The following HNRNPK variants were observed in gnomAD, a reference collection of about 807,000 sequenced individuals.
HNRNPK encodes the protein heterogeneous nuclear ribonucleoprotein K, also known as dC-stretch binding protein.
Under a neutral mutation model 67.0 loss-of-function variants are expected in HNRNPK, and 7 were observed. The ratio of observed to expected loss-of-function variants is 0.10; its 90% CI spans 0.06 to 0.20. The LOEUF is 0.20. Ranked by LOEUF, HNRNPK falls within the 10% of genes least tolerant of loss-of-function variation. The pLI is 1.00. For synonymous variants in HNRNPK, 213 were observed against 193.7 expected, an observed-to-expected ratio of 1.10 and a Z score of -0.83; for missense variants, 264 against 606.5, an observed-to-expected ratio of 0.44 and a Z score of 5.93.
intron 12 of HNRNPK, 49 bp from the exon 13 acceptor site, chr9:83,971,405 A>G (rs370093319): frequency 1.5e-6 from 2 of 1,314,472 alleles, no homozygotes; most frequent in Admixed American, 1.7e-5. Context: ...ATTTTGTTAT[A>G]GAGCTGTTTT....
chr9:83,973,245 A>T (rs757566555), intron 9 of HNRNPK, 41 bp downstream of exon 9: 3 of 1,150,754 alleles, frequency 2.6e-6, no homozygotes, highest in Non-Finnish European at 3.9e-6. Context: ...ATGAAAATTT[A>T]CTTTCCAGCA....
intron 1 of HNRNPK, among the ~76,000 whole-genome samples, chr9:83,979,366 A>T: frequency 1.3e-5 from 2 of 152,330 alleles, no homozygotes; most frequent in Middle Eastern, 6.8e-3. Context: ...GAAGAGTTGG[A>T]TAAGAAAGTT....
rs57317099 is a variant in HNRNPK, at chr9:83,974,347, A to T, written c.330+170T>A. Among the ~76,000 whole-genome samples the T allele has an allele frequency of 0.04, 3,578 of 90,088 alleles. 49 individuals carry two copies. Among genetic ancestry groups the T allele is most frequent in the African/African-American group, 0.097 (2,131 of 21,912 alleles). The allele number at this position is 90,088 out of a possible 152,430, so 59.1% of individuals were successfully genotyped here. A position where few individuals can be genotyped will look rare whatever the true frequency, so the allele number is the denominator to read the frequency against. ...GAGTGGCCAGCCTGTTTTTTTTTTTAAAAAAAAAAAAACAAATTACGCATG... is the reference window on the plus strand; with the variant it reads ...GAGTGGCCAGCCTGTTTTTTTTTTTTAAAAAAAAAAAACAAATTACGCATG... On this transcript the variant is annotated intron_variant, in intron 7 of 16. Transcript: ENST00000376263.
At chr9:83,978,860 G>A (rs1372425366) in intron 1 of HNRNPK, among the ~76,000 whole-genome samples, 1 of 152,170 alleles carries the variant, frequency 6.6e-6, no homozygotes, top group African/African-American at 2.4e-5. Context: ...CATGCTTGAA[G>A]CGATCTTATG....
intron 5 of HNRNPK, 73 bp downstream of exon 5, chr9:83,976,922 T>G: frequency 1.2e-6 from 1 of 810,846 alleles, no homozygotes; most frequent in Non-Finnish European, 2.1e-6. Flanking sequence ...ATTTCTAGGA[T>G]GTAAATCTTT....
At position 83,969,659 on chromosome 9, in the gene HNRNPK, G is replaced by A. The variant is rs564113158; in HGVS notation, c.1362-219C>T. On this transcript the variant is annotated intron_variant, in intron 16 of 16. Transcript: ENST00000376263. ...ATTAGTAGAACAGAATTAAGAAAAC[G>A]GAATTGAAAGTTGTTAATATTTGGT... 127 of 610,298 alleles carry A rather than the reference G, an allele frequency of 2.1e-4. No homozygotes were observed. The Admixed American group carries it at 2.1e-3, about 10-fold the overall frequency. The allele number at this position is 610,298 out of a possible 1,614,324, so 37.8% of individuals were successfully genotyped here.
chr9:83,974,472 T>C, intron 7 of HNRNPK, 45 bp downstream of exon 7: 1 of 923,298 alleles, frequency 1.1e-6, no homozygotes, highest in East Asian at 2.4e-5. Flanking sequence ...CTTTAAACAT[T>C]CCCCCCTCAT....
chr9:83,974,237 AATCT>A (rs534970540), intron 7 of HNRNPK, among the ~76,000 whole-genome samples: 21 of 152,186 alleles, frequency 1.4e-4, no homozygotes, highest in African/African-American at 5.1e-4. Flanking sequence ...TAATTTTAAA[AATCT>A]TTCTGATAAC....
rs893265116 is a variant in HNRNPK at position 83,979,734 on chromosome 9, C to A, written c.-108+419G>T. On this transcript the variant is annotated intron_variant, in intron 1 of 16. Coordinates refer to ENST00000376263, the MANE Select transcript of HNRNPK (RefSeq NM_031263.4). ...AGGTCTCATCCCCCGCATCCTCCCC[C>A]CACTGCCCGAGACAAAGCCATCGAG... Among the ~76,000 whole-genome samples, 23 of 152,108 alleles carry A rather than the reference C, an allele frequency of 1.5e-4. No homozygotes were observed. The East Asian group carries it at 2.7e-3, about 18-fold the overall frequency.
chr9:83,976,869 T>C, intron 5 of HNRNPK, 126 bp downstream of exon 5: 1 of 588,750 alleles, frequency 1.7e-6, no homozygotes, highest in South Asian at 3.0e-5. Flanking sequence ...AATTCTGTAA[T>C]AATAAATTAT....
chr9:83,969,906 T>G (rs77476256), intron 16 of HNRNPK: 1 of 620,642 alleles, frequency 1.6e-6, no homozygotes. Context: ...TAACAAGTGG[T>G]TTTGGCAGCA....
rs555489265 is a variant in HNRNPK at position 83,971,064 on chromosome 9, CTT to C, written c.1093-154_1093-153del. On this transcript the variant is annotated intron_variant, in intron 13 of 16. Transcript: ENST00000376263. ...TCAAGTGATCCTCCTGCCTCAGACT[CTT>C]TTGTAGTTGGGATTATGAGTGAGCA... The C allele has an allele frequency of 7.5e-4, 596 of 791,662 alleles. 1 individual carries two copies. The highest frequency in any genetic ancestry group is 4.4e-3 in the Middle Eastern group (12 of 2,734). 49.0% of individuals were successfully genotyped at this position (791,662 alleles called of 1,614,324 possible).
chr9:83,970,362 C>T (rs774952576), intron 15 of HNRNPK, 31 bp from the exon 16 acceptor site: 69 of 1,545,188 alleles, frequency 4.5e-5, no homozygotes, highest in Admixed American at 2.3e-4. Flanking sequence ...TATGTGTTTA[C>T]GATATACTTT....
Position 83,971,956 on chromosome 9 carries a change from A to AGGAGGG in HNRNPK, c.873_878dup (p.Pro293_Pro294dup). ...TACCACCCCGGCCGCCTCGTCCGGG[A>AGGAGGG]GGAGGGGGAGGTGGTCCTCGACGAG... On this transcript the variant is annotated inframe_insertion, in exon 11 of 17. Coordinates refer to ENST00000376263, the MANE Select transcript of HNRNPK (RefSeq NM_031263.4). 6.2e-7 allele frequency: 1 copy of AGGAGGG among 1,602,142 alleles called. No homozygotes were observed. The highest frequency in any genetic ancestry group is 8.5e-7 in the Non-Finnish European group (1 of 1,171,250).
At chr9:83,975,384 A>G (rs1319360939) in intron 6 of HNRNPK, 78 bp downstream of exon 6, 11 of 1,227,916 alleles carry the variant, frequency 9.0e-6, no homozygotes, top group Non-Finnish European at 1.2e-5. Context: ...GATACTATTT[A>G]ATTATATAAA....
chr9:83,970,035 G>A lies in HNRNPK; in HGVS notation c.1361+127C>T. ...AAAAATTAAGGCAAACTATTAGAAT[G>A]TTTAGAAGTTAGGTCCCCAAAAGGT... On this transcript the variant is annotated intron_variant, in intron 16 of 16. Coordinates refer to ENST00000376263, the MANE Select transcript of HNRNPK (RefSeq NM_031263.4). The A allele has an allele frequency of 2.6e-5, 19 of 718,610 alleles. No individual in the cohort carries two copies. In the South Asian group the frequency reaches 3.4e-4, roughly 13 times the overall value. 44.5% of individuals were successfully genotyped at this position (718,610 alleles called of 1,614,324 possible). A position where few individuals can be genotyped will look rare whatever the true frequency, so the allele number is the denominator to read the frequency against.
Position 83,973,476 on chromosome 9 carries a change from C to T in HNRNPK, c.403-77G>A. 3 of 827,276 alleles carry T rather than the reference C, an allele frequency of 3.6e-6. No homozygotes were observed. The South Asian group carries it at 4.2e-5, about 12-fold the overall frequency. The allele number at this position is 827,276 out of a possible 1,614,324, so 51.2% of individuals were successfully genotyped here. A position where few individuals can be genotyped will look rare whatever the true frequency, so the allele number is the denominator to read the frequency against. ...ACACACTTATCTGCTATAAGCATAA[C>T]AATAATATACTGTTGCAGTGAGCAA... is the stretch of plus-strand genomic sequence containing the variant. On this transcript the variant is annotated intron_variant, in intron 8 of 16. Transcript: ENST00000376263.
intron 6 of HNRNPK, among the ~76,000 whole-genome samples, chr9:83,974,857 C>T (rs1957006121): frequency 6.6e-6 from 1 of 152,134 alleles, no homozygotes. Context: ...ATAAACTGAC[C>T]AGAACTGAAG....
intron 10 of HNRNPK, 23 bp downstream of exon 10, chr9:83,972,821 A>T: frequency 6.4e-7 from 1 of 1,555,552 alleles, no homozygotes; most frequent in Non-Finnish European, 8.7e-7. Context: ...AATCAAATGT[A>T]AACAAAAAGT....
Sources: gnomAD v4.1 joint callset for allele counts (sites outside exome capture counted in the v4.1 genomes callset) on GRCh38, gnomAD v4.1.1 for gene constraint, MANE v1.5 for transcripts, NCBI Gene and HGNC (gene_info 2026-07-23, HGNC 2026-07-21) for gene names.